PPEF2: variants seen among roughly 807,000 people sequenced by gnomAD.
The protein encoded by PPEF2 is protein phosphatase with EF-hand domain 2.
In PPEF2, 84 loss-of-function variants were observed where a neutral mutation model predicts 84.7. The ratio of observed to expected loss-of-function variants is 0.99; its 90% CI spans 0.83 to 1.19. PPEF2 has a LOEUF of 1.19. PPEF2 is among the 50% of genes most tolerant of loss of function. The pLI is 0.00. For synonymous variants in PPEF2, 346 were observed against 345.2 expected (o/e 1.00, Z -0.03); for missense variants, 924 against 937.5 (o/e 0.99, Z 0.19).
Position 75,890,100 on chromosome 4 carries a change from T to C in PPEF2, c.274A>G (p.Arg92Gly), listed in dbSNP as rs778370814. 6.2e-7 allele frequency: 1 copy of C among 1,614,100 alleles called. No individual in the cohort carries two copies. The highest frequency in any genetic ancestry group is 1.1e-5 in the South Asian group (1 of 91,072). The change falls in exon 5 of 17, where the codon AGA (arginine) becomes GGA (glycine). Residue 92 changes from arginine to glycine, a missense_variant. Coordinates refer to ENST00000286719, the MANE Select transcript of PPEF2 (RefSeq NM_006239.3). ...TTCATCTCGGAGTCCTGGGCGAATC[T>C]GTCCTCAGTGAATATGCGGGTCAGG... ...DFLTRIFTED[R>G]FAQDSEMKKC...
intron 10 of PPEF2, 90 bp from the exon 11 acceptor site, chr4:75,876,763 T>C (rs924150122): frequency 6.5e-6 from 9 of 1,383,848 alleles, no homozygotes; most frequent in African/African-American, 1.5e-5. Flanking sequence ...CCTAGAACTT[T>C]GGGAGACTGA....
Position 75,867,346 on chromosome 4 carries a change from TGAG to T in PPEF2, c.1720_1722del (p.Leu574del). The T allele has an allele frequency of 6.2e-7, 1 of 1,613,792 alleles. No homozygotes were observed. The highest frequency in any genetic ancestry group is 8.5e-7 in the Non-Finnish European group (1 of 1,179,884). On this transcript the variant is annotated inframe_deletion, in exon 14 of 17. Transcript: ENST00000286719. ...TCTGCATCATGCTTCTTAAATTCAC[TGAG>T]AAGATCTGAAGAATGAGCAAACAGC...
At chr4:75,899,915 A>C (rs1479740700) in intron 1 of PPEF2, among the ~76,000 whole-genome samples, 1 of 152,152 alleles carries the variant, frequency 6.6e-6, no homozygotes, top group African/African-American at 2.4e-5. Context: ...TGTATTTAAG[A>C]GTGTTTGATG....
rs780778214 is a variant in PPEF2 at position 75,876,617 on chromosome 4, C to T, written c.990G>A (p.Glu330=). ...TRQKSEKQME[E]KRRANQKSSA... is the part of the protein sequence containing the mutation. ...AGCTCTTCTGGTTGGCTCTTCTCTT[C>T]TCCTCCATCTGCTTCTCACTCTTCT... Residue 330 remains glutamate (E), a synonymous_variant, in exon 11 of 17, where the codon GAG becomes GAA. Coordinates refer to ENST00000286719, the MANE Select transcript of PPEF2 (RefSeq NM_006239.3). The T allele has an allele frequency of 3.1e-6, 5 of 1,598,216 alleles. No individual in the cohort carries two copies. The highest frequency in any genetic ancestry group is 1.1e-5 in the South Asian group (1 of 88,694).
At chr4:75,873,087 G>A in intron 12 of PPEF2, 40 bp downstream of exon 12, 3 of 1,565,894 alleles carry the variant, frequency 1.9e-6, no homozygotes, top group Non-Finnish European at 2.6e-6. Context: ...GACTACTTTG[G>A]TGACACACAA....
rs767522515 is a variant in PPEF2 at position 75,864,498 on chromosome 4, CAAT to C, written c.1947_1949del (p.Leu650del). 4.3e-6 allele frequency: 7 copies of C among 1,612,952 alleles called. No individual in the cohort carries two copies. The highest frequency in any genetic ancestry group is 3.3e-5 in the Admixed American group (2 of 59,994). ...TCTCTAGGTTGGATCGGTTTCGATA[CAAT>C]GTTTCCAGCAAACTTGATTGTATGT... On this transcript the variant is annotated inframe_deletion, in exon 16 of 17. Coordinates refer to ENST00000286719, the MANE Select transcript of PPEF2 (RefSeq NM_006239.3).
intron 10 of PPEF2, among the ~76,000 whole-genome samples, chr4:75,877,853 C>A (rs969851260): frequency 2.6e-5 from 4 of 151,890 alleles, no homozygotes; most frequent in African/African-American, 9.7e-5. Context: ...AAAACCTGGT[C>A]CTTCACATAT....
In PPEF2 at chr4:75,884,679, T is replaced by A. The variant is rs755980451; in HGVS notation, c.661A>T (p.Met221Leu). 1.3e-5 allele frequency: 21 copies of A among 1,613,658 alleles called. No homozygotes were observed. The highest frequency in any genetic ancestry group is 1.7e-5 in the Non-Finnish European group (20 of 1,179,802). Residue 221 changes from methionine to leucine, a missense_variant, in exon 8 of 17, where the codon ATG (methionine) becomes TTG (leucine). Coordinates refer to ENST00000286719, the MANE Select transcript of PPEF2 (RefSeq NM_006239.3). Reference protein sequence around the residue: ...DRGKDSVEILMILFAFMLVYP... With the variant: ...DRGKDSVEILLILFAFMLVYP... ...ACCAGCATGAAGGCAAAAAGAATCA[T>A]CAGGATCTCTACTGAATCCTTGCCT... is the stretch of plus-strand genomic sequence containing the variant.
At position 75,873,258 on chromosome 4, in the gene PPEF2, T is replaced by C. The variant is rs775321063; in HGVS notation, c.1375A>G (p.Thr459Ala). ...PMAQEGCKANTIRGGGCYFGP... is the reference protein window; with the variant it reads ...PMAQEGCKANAIRGGGCYFGP... ...AAATAACAGCCTCCTCCTCGAATAG[T>C]GTTGGCCTTGCAGCCCTCTTGAGCC... The change falls in exon 12 of 17, where the codon ACT becomes GCT. Residue 459 changes from threonine (T) to alanine (A), a missense_variant. Physicochemically the swap from Thr to Ala is moderately conservative, Grantham distance 58 (BLOSUM62 0). Transcript: ENST00000286719. 3 of 1,614,186 alleles carry C rather than the reference T, an allele frequency of 1.9e-6. No individual in the cohort carries two copies. Among genetic ancestry groups the C allele is most frequent in the Non-Finnish European group, 1.7e-6 (2 of 1,180,022 alleles).
At chr4:75,890,211 C>T (rs1227628814) in intron 4 of PPEF2, 79 bp from the exon 5 acceptor site, 2 of 1,507,830 alleles carry the variant, frequency 1.3e-6, no homozygotes, top group Middle Eastern at 4.6e-4. Context: ...TAGTCCTTGG[C>T]TGGGCACGGT....
chr4:75,884,485 T>C (rs969321553), intron 8 of PPEF2, 109 bp downstream of exon 8: 2 of 1,310,598 alleles, frequency 1.5e-6, no homozygotes, highest in Non-Finnish European at 2.1e-6. Flanking sequence ...TTTAAAAAAA[T>C]TGGAAAACTA....
At chr4:75,886,938 C>T in intron 6 of PPEF2, 40 bp from the exon 7 acceptor site, 2 of 1,075,034 alleles carry the variant, frequency 1.9e-6, no homozygotes, top group Admixed American at 2.4e-5. Flanking sequence ...CTGATTGTTC[C>T]TTACCAGTGC....
intron 13 of PPEF2, among the ~76,000 whole-genome samples, chr4:75,870,548 G>C (rs752947794): frequency 1.3e-5 from 2 of 152,104 alleles, no homozygotes; most frequent in African/African-American, 2.4e-5. Flanking sequence ...ACTTAAAGAA[G>C]CATGTTCAAT....
In PPEF2 at chr4:75,891,939, C is replaced by T. The variant is rs749714089; in HGVS notation, c.95G>A (p.Arg32His). ...CCTCATCTCCAGGCGGGCCACGTAG[C>T]GCCGGTACCATCTCTGGATCAGGGC... ...AAALIQRWYR[R>H]YVARLEMRRR... is the part of the protein sequence containing the mutation. The change falls in exon 3 of 17, where the codon CGC becomes CAC. Residue 32 changes from arginine to histidine, a missense_variant. Physicochemically the swap from Arg to His is conservative, Grantham distance 29. Coordinates refer to ENST00000286719, the MANE Select transcript of PPEF2 (RefSeq NM_006239.3). The T allele has an allele frequency of 6.8e-6, 11 of 1,614,104 alleles. No individual in the cohort carries two copies. The highest frequency in any genetic ancestry group is 6.6e-5 in the South Asian group (6 of 91,076).
chr4:75,894,707 G>A (rs928572010), intron 2 of PPEF2, among the ~76,000 whole-genome samples: 13 of 152,164 alleles, frequency 8.5e-5, no homozygotes, highest in Admixed American at 3.9e-4. Flanking sequence ...TGGACTGTCT[G>A]TGAAAAGGCA....
intron 2 of PPEF2, among the ~76,000 whole-genome samples, chr4:75,892,495 G>A (rs908486074): frequency 3.3e-5 from 5 of 152,096 alleles, no homozygotes; most frequent in South Asian, 4.2e-4. Flanking sequence ...GAAAAGGGGC[G>A]GGGCCAGATG....
chr4:75,892,031 G>T, intron 2 of PPEF2, 53 bp from the exon 3 acceptor site: 1 of 1,596,412 alleles, frequency 6.3e-7, no homozygotes, highest in Non-Finnish European at 8.6e-7. Context: ...CTGGGCCAGG[G>T]GTTTGGGGGT....
intron 6 of PPEF2, among the ~76,000 whole-genome samples, chr4:75,887,611 A>G (rs943537918): frequency 8.8e-6 from 1 of 113,206 alleles, no homozygotes; most frequent in Non-Finnish European, 1.8e-5. Context: ...ACAGAGCGGG[A>G]CTGTGTCTCA....
chr4:75,887,625 A>C (rs1243177313), intron 6 of PPEF2, among the ~76,000 whole-genome samples: 1 of 151,684 alleles, frequency 6.6e-6, no homozygotes, highest in Non-Finnish European at 1.5e-5. Flanking sequence ...TGTCTCAAAA[A>C]AAAAAAAAAA....
Sources: allele counts gnomAD v4.1 joint callset (sites outside exome capture counted in the v4.1 genomes callset), GRCh38; gene constraint gnomAD v4.1.1; transcripts MANE v1.5; gene names NCBI Gene and HGNC (gene_info 2026-07-23, HGNC 2026-07-21).